Variants in UBR1 observed in about 807,000 individuals in gnomAD.
UBR1 encodes the protein E3 ubiquitin-protein ligase UBR1.
UBR1 carries 102 observed loss-of-function variants against 242.1 expected under a neutral mutation model. That is an observed-to-expected ratio of 0.42 (90% CI 0.36 to 0.50). The LOEUF is 0.50. Ranked by LOEUF, UBR1 falls within the 20% of genes least tolerant of loss-of-function variation. The pLI, the probability that UBR1 is intolerant of heterozygous loss-of-function variation, is 0.01. For synonymous variants in UBR1, 675 were observed against 684.8 expected, an observed-to-expected ratio of 0.99 and a Z score of 0.22; for missense variants, 1,772 against 2,101.8, an observed-to-expected ratio of 0.84 and a Z score of 3.07.
Position 43,014,883 on chromosome 15 carries a change from G to A in UBR1, c.3209+805C>T, listed in dbSNP as rs1167075725. Among the ~76,000 whole-genome samples, 4 of 150,526 alleles carry A rather than the reference G, an allele frequency of 2.7e-5. No individual in the cohort carries two copies. The East Asian group carries it at 8.0e-4, about 30-fold the overall frequency. The stretch of plus-strand genomic sequence containing the variant: ...GCCGCCCCGTCCCAGAGGGAGGTGG[G>A]GGGTCAGCCCCCGCCCGGCCAGCCA... On this transcript the variant is annotated intron_variant, in intron 29 of 46. Transcript: ENST00000290650.
intron 19 of UBR1, among the ~76,000 whole-genome samples, chr15:43,033,155 G>A (rs2033279552): frequency 6.6e-6 from 1 of 151,980 alleles, no homozygotes; most frequent in Admixed American, 6.6e-5. Context: ...TTGGCCAGGT[G>A]CAGTGGCATG....
At position 43,091,906 on chromosome 15, in the gene UBR1, C is replaced by CAAAAA. The variant is rs58586323; in HGVS notation, c.82-5671_82-5667dup. ...GAGATCATGCCACTGTACACCATCT[C>CAAAAA]AAAAAAAAAAAAAAAAAAAAAAAAA... On this transcript the variant is annotated intron_variant, in intron 1 of 46. Transcript: ENST00000290650. 275 of 180,196 alleles carry CAAAAA rather than the reference C, an allele frequency of 1.5e-3. 1 individual carries two copies. Among genetic ancestry groups the CAAAAA allele is most frequent in the Middle Eastern group, 2.0e-3 (1 of 510 alleles). 11.2% of individuals were successfully genotyped at this position (180,196 alleles called of 1,614,324 possible). A position where few individuals can be genotyped will look rare whatever the true frequency, so the allele number is the denominator to read the frequency against.
At chr15:43,087,631 T>C (rs2034053613) in intron 1 of UBR1, among the ~76,000 whole-genome samples, 1 of 152,180 alleles carries the variant, frequency 6.6e-6, no homozygotes, top group Non-Finnish European at 1.5e-5. Flanking sequence ...AATTAGTCCA[T>C]TCTCTAAAGG....
chr15:43,053,814 T>A (rs2033583996), intron 12 of UBR1, among the ~76,000 whole-genome samples: 1 of 150,552 alleles, frequency 6.6e-6, no homozygotes, highest in Non-Finnish European at 1.5e-5. Context: ...CAGGCTGGTC[T>A]GATACAGACG....
rs1297982982 is a variant in UBR1, at chr15:43,002,544, T to C, written c.3659+11A>G. 1 of 1,612,992 alleles carries C rather than the reference T, an allele frequency of 6.2e-7. No individual in the cohort carries two copies. The highest frequency in any genetic ancestry group is 1.7e-5 in the Admixed American group (1 of 60,012). On this transcript the variant is annotated intron_variant, in intron 32 of 46. Transcript: ENST00000290650. ...TTTAAAAAATTAACCAAAACATAAATTAAAATATACCTGTTTATCTTTTGA... is the reference window on the plus strand; with the variant it reads ...TTTAAAAAATTAACCAAAACATAAACTAAAATATACCTGTTTATCTTTTGA...
At chr15:43,018,084 G>C (rs960090632) in intron 27 of UBR1, among the ~76,000 whole-genome samples, 1 of 149,980 alleles carries the variant, frequency 6.7e-6, no homozygotes, top group African/African-American at 2.5e-5. Flanking sequence ...CTCACTGCAA[G>C]CTACGCCTCT....
chr15:42,955,132 C>G (rs943204530), intron 44 of UBR1, among the ~76,000 whole-genome samples: 8 of 152,180 alleles, frequency 5.3e-5, no homozygotes, highest in African/African-American at 1.9e-4. Flanking sequence ...TGCCACTGCA[C>G]TCCAGCTTGG....
Position 43,058,363 on chromosome 15 carries a change from A to C in UBR1, c.1160T>G (p.Leu387Arg). 2 of 1,609,196 alleles carry C rather than the reference A, an allele frequency of 1.2e-6. No individual in the cohort carries two copies. The highest frequency in any genetic ancestry group is 1.7e-6 in the Non-Finnish European group (2 of 1,177,078). Reference sequence around the variant, plus strand: ...TACCTTCACAAATTCCATAGCAAAGAGTTTTTTGTATTCCATCTCCATAAA... The same window carrying C: ...TACCTTCACAAATTCCATAGCAAAGCGTTTTTTGTATTCCATCTCCATAAA... The part of the protein sequence containing the change: ...SFFMEMEYKK[L>R]FAMEFVKYYK... Residue 387 changes from leucine (L) to arginine (R), a missense_variant, in exon 10 of 47, where the codon CTC (leucine) becomes CGC (arginine). This residue lies in a region of UBR1 where 734 missense variants were observed against 893.3 expected (regional missense o/e 0.82). Coordinates refer to ENST00000290650, the MANE Select transcript of UBR1 (RefSeq NM_174916.3).
intron 12 of UBR1, among the ~76,000 whole-genome samples, chr15:43,051,062 A>G (rs906827490): frequency 2.0e-5 from 3 of 152,202 alleles, no homozygotes; most frequent in African/African-American, 7.2e-5. Flanking sequence ...CAACCCGGCA[A>G]TTTCATTACC....
chr15:42,949,566 A>C (rs1205957853), intron 46 of UBR1, among the ~76,000 whole-genome samples: 1 of 150,534 alleles, frequency 6.6e-6, no homozygotes, highest in Non-Finnish European at 1.5e-5. Flanking sequence ...TGGGAGGCTG[A>C]GGTGGGTAGA....
intron 12 of UBR1, among the ~76,000 whole-genome samples, chr15:43,053,282 T>A (rs980611758): frequency 6.6e-6 from 1 of 152,164 alleles, no homozygotes; most frequent in Non-Finnish European, 1.5e-5. Flanking sequence ...CCGTAGAGAT[T>A]AGCTATAGTC....
At chr15:43,073,904 T>G (rs2033855049) in intron 4 of UBR1, among the ~76,000 whole-genome samples, 1 of 152,188 alleles carries the variant, frequency 6.6e-6, no homozygotes, top group African/African-American at 2.4e-5. Flanking sequence ...TCAACATATG[T>G]GCCCTACAGG....
intron 40 of UBR1, among the ~76,000 whole-genome samples, chr15:42,967,775 A>G (rs2032133679): frequency 6.6e-6 from 1 of 151,868 alleles, no homozygotes; most frequent in South Asian, 2.1e-4. Context: ...AATGTCTCTA[A>G]AAAACAAAAT....
chr15:42,977,369 T>C (rs762191129), intron 38 of UBR1, among the ~76,000 whole-genome samples: 5 of 152,192 alleles, frequency 3.3e-5, no homozygotes, highest in African/African-American at 9.7e-5. Flanking sequence ...CCAATCTCAA[T>C]ACTGCTTTCT....
chr15:43,102,884 C>G (rs956286639), intron 1 of UBR1, among the ~76,000 whole-genome samples: 1 of 152,186 alleles, frequency 6.6e-6, no homozygotes, highest in Non-Finnish European at 1.5e-5. Flanking sequence ...AAGATCTTAT[C>G]CGGGCTGGGC....
chr15:42,969,713 CAG>C (rs891236096), intron 40 of UBR1, among the ~76,000 whole-genome samples: 4 of 152,130 alleles, frequency 2.6e-5, no homozygotes, highest in African/African-American at 9.7e-5. Flanking sequence ...AATAGACAAA[CAG>C]GGAGCCAAAT....
At position 42,982,257 on chromosome 15, in the gene UBR1, A is replaced by T. The variant is rs180684653; in HGVS notation, c.4150+1640T>A. ...CATTTGGAAGAATTAGTAAATATCT[A>T]AATTATGACTGAAATGAAAAAGATA... is the stretch of plus-strand genomic sequence containing the variant. On this transcript the variant is annotated intron_variant, in intron 37 of 46. Transcript: ENST00000290650. Among the ~76,000 whole-genome samples, 9 of 152,384 alleles carry T rather than the reference A, an allele frequency of 5.9e-5. No homozygotes were observed. The South Asian group carries it at 1.9e-3, about 32-fold the overall frequency.
chr15:42,948,913 G>A (rs1474349647), intron 46 of UBR1, among the ~76,000 whole-genome samples: 1 of 152,108 alleles, frequency 6.6e-6, no homozygotes, highest in African/African-American at 2.4e-5. Context: ...ATTTGACCCA[G>A]CCATCCCATT....
chr15:42,954,753 G>C (rs1223322367), intron 44 of UBR1, among the ~76,000 whole-genome samples: 1 of 152,074 alleles, frequency 6.6e-6, no homozygotes, highest in Non-Finnish European at 1.5e-5. Flanking sequence ...ATTTTTAGTA[G>C]AGATAGCATT....
Sources: gnomAD v4.1 joint callset for allele counts (sites outside exome capture counted in the v4.1 genomes callset) on GRCh38, gnomAD v4.1.1 for gene constraint, gnomAD v4.1.1 regional missense constraint, MANE v1.5 for transcripts, NCBI Gene and HGNC (gene_info 2026-07-23, HGNC 2026-07-21) for gene names.